The following PLCB1 variants were observed in gnomAD, a reference collection of about 807,000 sequenced individuals.
PLCB1 encodes phospholipase C beta 1, also known as 1-phosphatidylinositol 4,5-bisphosphate phosphodiesterase beta-1.
Under a neutral mutation model 161.8 loss-of-function variants are expected in PLCB1, and 46 were observed. That is an observed-to-expected ratio of 0.28 (90% confidence interval 0.22 to 0.36). The LOEUF (loss-of-function observed/expected upper bound fraction) is 0.36. Among genes scored for constraint, PLCB1 ranks in the 10% least tolerant of loss-of-function variants. PLCB1 has a pLI of 1.00. For synonymous variants in PLCB1, 517 were observed against 503.7 expected, an observed-to-expected ratio of 1.03 and a Z score of -0.35; for missense variants, 1,016 against 1,472.5, an observed-to-expected ratio of 0.69 and a Z score of 5.07.
At chr20:8,792,662 G>A in intron 31 of PLCB1, 3 of 470,622 alleles carry the variant, frequency 6.4e-6, no homozygotes, top group South Asian at 3.1e-5. Flanking sequence ...TGGATTTGAA[G>A]GTTGCCCATG....
chr20:8,494,738 C>G (rs1983088783), intron 3 of PLCB1, among the ~76,000 whole-genome samples: 1 of 152,188 alleles, frequency 6.6e-6, no homozygotes. Context: ...TATCTTTCCT[C>G]CCTCTCTTGC....
chr20:8,232,426 C>T (rs1482462633), intron 2 of PLCB1, among the ~76,000 whole-genome samples: 1 of 152,114 alleles, frequency 6.6e-6, no homozygotes, highest in Non-Finnish European at 1.5e-5. Context: ...AAGCTGTAAA[C>T]TCTGATGTCT....
rs1978832174 is a variant in PLCB1, at chr20:8,708,768, A to G, written c.1250+16A>G. The G allele has an allele frequency of 5.9e-6, 9 of 1,521,078 alleles. No homozygotes were observed. The highest frequency in any genetic ancestry group is 7.3e-6 in the Non-Finnish European group (8 of 1,095,784). 94.2% of individuals were successfully genotyped at this position (1,521,078 alleles called of 1,614,324 possible). On this transcript the variant is annotated intron_variant, in intron 12 of 31. Transcript: ENST00000338037. ...ATGTGGATTCGTAAGTATTCAACAC[A>G]TTCAGGAATGAGTCTTTTTCCCGAA...
intron 3 of PLCB1, among the ~76,000 whole-genome samples, chr20:8,557,025 A>AT (rs1462240464): frequency 6.7e-6 from 1 of 149,182 alleles, no homozygotes; most frequent in African/African-American, 2.5e-5. Flanking sequence ...ATAAATAAAA[A>AT]AAATAATAAA....
intron 31 of PLCB1, among the ~76,000 whole-genome samples, chr20:8,852,072 C>CT (rs1482142492): frequency 2.0e-5 from 3 of 152,200 alleles, no homozygotes; most frequent in Non-Finnish European, 4.4e-5. Flanking sequence ...GACTGTATGA[C>CT]TGTTTATATA....
At chr20:8,145,365 C>A (rs181188102) in intron 1 of PLCB1, among the ~76,000 whole-genome samples, 2 of 152,058 alleles carry the variant, frequency 1.3e-5, no homozygotes, top group Non-Finnish European at 2.9e-5. Context: ...CTGTAAAGAC[C>A]CTATCTCTAA....
At chr20:8,461,269 G>C (rs558697592) in intron 3 of PLCB1, among the ~76,000 whole-genome samples, 1 of 152,216 alleles carries the variant, frequency 6.6e-6, no homozygotes, top group African/African-American at 2.4e-5. Flanking sequence ...TTCCTATTAA[G>C]AGGTCTAGTC....
In PLCB1 at chr20:8,774,639, A is replaced by G. The variant is rs758998289; in HGVS notation, c.3031A>G (p.Lys1011Glu). The G allele has an allele frequency of 1.2e-6, 2 of 1,614,090 alleles. No homozygotes were observed. Among genetic ancestry groups the G allele is most frequent in the Non-Finnish European group, 1.7e-6 (2 of 1,179,930 alleles). ...CCAAAAGTTAATAGACTTGAAGGACAAACAACAGCAGCAGCTGCTTAATCT... is the reference window on the plus strand; with the variant it reads ...CCAAAAGTTAATAGACTTGAAGGACGAACAACAGCAGCAGCTGCTTAATCT... ...MTQKLIDLKD[K>E]QQQQLLNLRQ... The change falls in exon 27 of 32, where the codon AAA (lysine) becomes GAA (glutamate). Residue 1011 changes from lysine to glutamate, a missense_variant. Physicochemically the swap from Lys to Glu is moderately conservative, Grantham distance 56. This residue lies in a region of PLCB1 where 398 missense variants were observed against 445.4 expected (regional missense o/e 0.89). Coordinates refer to ENST00000338037, the MANE Select transcript of PLCB1 (RefSeq NM_015192.4).
intron 2 of PLCB1, among the ~76,000 whole-genome samples, chr20:8,321,745 C>T (rs1361873026): frequency 6.6e-6 from 1 of 152,090 alleles, no homozygotes; most frequent in Non-Finnish European, 1.5e-5. Flanking sequence ...GTAAAAATCC[C>T]ACATTAAATG....
chr20:8,479,616 T>C (rs900538611), intron 3 of PLCB1, among the ~76,000 whole-genome samples: 2 of 152,204 alleles, frequency 1.3e-5, no homozygotes, highest in African/African-American at 4.8e-5. Flanking sequence ...TGGTGATAGA[T>C]GGTGTTATTT....
intron 27 of PLCB1, among the ~76,000 whole-genome samples, chr20:8,786,701 T>C (rs550022618): frequency 6.6e-6 from 1 of 152,014 alleles, no homozygotes; most frequent in Non-Finnish European, 1.5e-5. Flanking sequence ...GTTTTTTTTT[T>C]TTTTGAGACA....
At chr20:8,632,200 G>A (rs1988623018) in intron 4 of PLCB1, among the ~76,000 whole-genome samples, 1 of 151,750 alleles carries the variant, frequency 6.6e-6, no homozygotes, top group African/African-American at 2.4e-5. Flanking sequence ...TGGGCCCCAG[G>A]AAGGAACACA....
At chr20:8,142,705 C>T (rs1180529179) in intron 1 of PLCB1, among the ~76,000 whole-genome samples, 2 of 152,056 alleles carry the variant, frequency 1.3e-5, no homozygotes, top group African/African-American at 2.4e-5. Flanking sequence ...CATCCTATCA[C>T]GATAATGATT....
At chr20:8,861,676 G>A (rs1987259455) in intron 31 of PLCB1, among the ~76,000 whole-genome samples, 1 of 150,040 alleles carries the variant, frequency 6.7e-6, no homozygotes, top group Admixed American at 6.7e-5. Context: ...CTTGCAGTGA[G>A]GTGAGATCGT....
At chr20:8,402,622 C>T (rs1039019164) in intron 3 of PLCB1, among the ~76,000 whole-genome samples, 33 of 150,310 alleles carry the variant, frequency 2.2e-4, no homozygotes, top group Admixed American at 9.3e-4. Context: ...ATCACAAGGT[C>T]GGGAGATGGA....
chr20:8,487,380 G>T (rs894461809), intron 3 of PLCB1, among the ~76,000 whole-genome samples: 3 of 152,152 alleles, frequency 2.0e-5, no homozygotes, highest in Non-Finnish European at 4.4e-5. Flanking sequence ...TGAAGTGGAG[G>T]TTTCCCAGTG....
At chr20:8,532,519 C>G (rs1984856329) in intron 3 of PLCB1, among the ~76,000 whole-genome samples, 1 of 152,280 alleles carries the variant, frequency 6.6e-6, no homozygotes, top group East Asian at 1.9e-4. Flanking sequence ...TTGTTGTCAG[C>G]TTTCATTAAG....
At position 8,132,568 on chromosome 20, in the gene PLCB1, C is replaced by G. The variant is rs2051302175; in HGVS notation, c.-84C>G. 2.5e-6 allele frequency: 2 copies of G among 806,172 alleles called. No individual in the cohort carries two copies. The highest frequency in any genetic ancestry group is 4.2e-5 in the Admixed American group (1 of 23,632). The allele number at this position is 806,172 out of a possible 1,614,324, so 49.9% of individuals were successfully genotyped here. On this transcript the variant is annotated 5_prime_UTR_variant, in exon 1 of 32. Coordinates refer to ENST00000338037, the MANE Select transcript of PLCB1 (RefSeq NM_015192.4). This position sits in a 1 kb window ranked among gnomAD's most constrained non-coding sequence, Gnocchi z 5.2. ...GCGCCTCCGGAGCAGAGAAAGGAGCCCGCGCCCCGCGCCCCGCGCCCCGCG... is the reference window on the plus strand; with the variant it reads ...GCGCCTCCGGAGCAGAGAAAGGAGCGCGCGCCCCGCGCCCCGCGCCCCGCG...
At chr20:8,273,826 A>G (rs756806998) in intron 2 of PLCB1, among the ~76,000 whole-genome samples, 10 of 152,204 alleles carry the variant, frequency 6.6e-5, no homozygotes, top group Non-Finnish European at 1.5e-4. Flanking sequence ...TGCCATGGGC[A>G]CTGGTATGGA....
Sources: allele counts gnomAD v4.1 joint callset (sites outside exome capture counted in the v4.1 genomes callset), GRCh38; gene constraint gnomAD v4.1.1; regional missense constraint gnomAD v4.1.1; non-coding constraint Gnocchi (gnomAD v3.1); transcripts MANE v1.5; gene names NCBI Gene and HGNC (gene_info 2026-07-23, HGNC 2026-07-21).